The following MGMT variants were observed in gnomAD, a reference collection of about 807,000 sequenced individuals.
The protein encoded by MGMT is O-6-methylguanine-DNA methyltransferase.
MGMT carries 14 observed loss-of-function variants against 15.9 expected under a neutral mutation model. That is an observed-to-expected ratio of 0.88 (90% CI 0.58 to 1.37). The LOEUF is 1.37. Ranked by LOEUF, MGMT falls within the 40% of genes most tolerant of loss-of-function variation. The pLI is 0.00. For synonymous variants in MGMT, 130 were observed against 118.2 expected (o/e 1.10, Z -0.65); for missense variants, 282 against 268.1 (o/e 1.05, Z -0.36).
At position 129,706,421 on chromosome 10, in the gene MGMT, G is replaced by A. The variant is rs149761051; in HGVS notation, c.126-1474G>A. On this transcript the variant is annotated intron_variant, in intron 2 of 4. Transcript: ENST00000651593. The stretch of plus-strand genomic sequence containing the variant: ...GGAGAAACATTCTGTAGATCTCAGC[G>A]CACGCCCCCCAAGGCAGCCCAGGAA... Among the ~76,000 whole-genome samples the A allele has an allele frequency of 3.5e-3, 538 of 152,280 alleles. 2 individuals are homozygous for A. Among genetic ancestry groups the A allele is most frequent in the African/African-American group, 0.012 (505 of 41,560 alleles).
chr10:129,724,018 G>C (rs996909598), intron 3 of MGMT, among the ~76,000 whole-genome samples: 4 of 152,194 alleles, frequency 2.6e-5, no homozygotes, highest in African/African-American at 7.2e-5. Context: ...TTCCACTCTA[G>C]GGCATTTATC....
chr10:129,584,577 T>C (rs1436400902), intron 2 of MGMT, among the ~76,000 whole-genome samples: 1 of 152,100 alleles, frequency 6.6e-6, no homozygotes, highest in Non-Finnish European at 1.5e-5. Context: ...TTTTAGAAGA[T>C]TTAAATCTCC....
intron 2 of MGMT, among the ~76,000 whole-genome samples, chr10:129,699,762 C>A (rs939373717): frequency 8.5e-5 from 13 of 152,180 alleles, no homozygotes; most frequent in African/African-American, 3.1e-4. Flanking sequence ...TGGAACCCGT[C>A]CTTCTCCAGG....
chr10:129,657,707 G>GCACGCA (rs1407243363), intron 2 of MGMT, among the ~76,000 whole-genome samples: 3 of 111,560 alleles, frequency 2.7e-5, no homozygotes, highest in African/African-American at 6.5e-5. Context: ...ACACACACAC[G>GCACGCA]CACACACACA....
At chr10:129,640,979 C>A (rs1589909535) in intron 2 of MGMT, among the ~76,000 whole-genome samples, 1 of 152,114 alleles carries the variant, frequency 6.6e-6, no homozygotes. Flanking sequence ...AGAAATAAGA[C>A]AAAGATGTCT....
intron 2 of MGMT, among the ~76,000 whole-genome samples, chr10:129,630,670 T>C (rs918714376): frequency 7.2e-5 from 11 of 152,106 alleles, no homozygotes; most frequent in Admixed American, 7.2e-4. Flanking sequence ...AGAAGGAAGA[T>C]TTTTGTGGGC....
chr10:129,500,330 C>T (rs1186167335), intron 1 of MGMT, among the ~76,000 whole-genome samples: 1 of 152,154 alleles, frequency 6.6e-6, no homozygotes. Context: ...GGGGCTGCCT[C>T]CCAGGGCTGC....
chr10:129,506,260 C>G (rs976103871), intron 1 of MGMT, among the ~76,000 whole-genome samples: 13 of 152,104 alleles, frequency 8.5e-5, no homozygotes, highest in African/African-American at 3.1e-4. Flanking sequence ...GTTCATTGGT[C>G]TCTGTAGAAC....
chr10:129,572,085 C>T (rs1028485953), intron 2 of MGMT, among the ~76,000 whole-genome samples: 1 of 152,134 alleles, frequency 6.6e-6, no homozygotes, highest in Non-Finnish European at 1.5e-5. Flanking sequence ...GATTGATAAA[C>T]ATATGTAAAC....
intron 2 of MGMT, among the ~76,000 whole-genome samples, chr10:129,678,129 C>T (rs949736269): frequency 2.6e-5 from 4 of 152,104 alleles, no homozygotes; most frequent in South Asian, 2.1e-4. Context: ...AAGGAAAGAA[C>T]GCCTCGGTGG....
rs947773200 is a variant in MGMT, at chr10:129,532,476, G to A, written c.-12-3765G>A. Among the ~76,000 whole-genome samples the A allele has an allele frequency of 3.3e-5, 5 of 152,136 alleles. No homozygotes were observed. The East Asian group carries it at 5.8e-4, about 18-fold the overall frequency. On this transcript the variant is annotated intron_variant, in intron 1 of 4. Transcript: ENST00000651593. This position sits in a 1 kb window ranked among gnomAD's most constrained non-coding sequence, Gnocchi z 5.3. ...GGACTCCTCTCTCCGGGAGACTGTC[G>A]GGGCTAAGCTGCCTGTGGCCCTCCA...
At chr10:129,611,403 A>G (rs555703398) in intron 2 of MGMT, among the ~76,000 whole-genome samples, 2 of 152,174 alleles carry the variant, frequency 1.3e-5, no homozygotes, top group African/African-American at 2.4e-5. Flanking sequence ...AGATCTCTTG[A>G]GAACTCACTC....
intron 2 of MGMT, among the ~76,000 whole-genome samples, chr10:129,567,601 A>C (rs770089225): frequency 6.6e-6 from 1 of 151,948 alleles, no homozygotes; most frequent in Admixed American, 6.6e-5. Context: ...GGGAAAAAAA[A>C]CCTCCTGGAG....
intron 1 of MGMT, among the ~76,000 whole-genome samples, chr10:129,476,651 G>T (rs990644777): frequency 6.6e-6 from 1 of 152,168 alleles, no homozygotes; most frequent in East Asian, 1.9e-4. Flanking sequence ...CCATCGCCAG[G>T]CTGCTGGGAG....
intron 2 of MGMT, among the ~76,000 whole-genome samples, chr10:129,661,635 A>C (rs1847599397): frequency 6.6e-6 from 1 of 152,112 alleles, no homozygotes; most frequent in Admixed American, 6.5e-5. Flanking sequence ...CAAGTTATAC[A>C]TATTTTATTC....
At chr10:129,469,986 A>G (rs1845212463) in intron 1 of MGMT, among the ~76,000 whole-genome samples, 2 of 152,348 alleles carry the variant, frequency 1.3e-5, no homozygotes, top group South Asian at 2.1e-4. Context: ...TGCTGGAATT[A>G]TAGGCATGAG....
chr10:129,541,470 G>A (rs920821872), intron 2 of MGMT, among the ~76,000 whole-genome samples: 1 of 152,200 alleles, frequency 6.6e-6, no homozygotes, highest in Non-Finnish European at 1.5e-5. Context: ...CAGGCTGTAT[G>A]TGTTTACTTT....
chr10:129,594,244 A>T (rs1846724530), intron 2 of MGMT, among the ~76,000 whole-genome samples: 1 of 152,162 alleles, frequency 6.6e-6, no homozygotes, highest in African/African-American at 2.4e-5. Flanking sequence ...TTTGCATAAG[A>T]AGTCTGAGGG....
chr10:129,724,797 G>T (rs1177182862), intron 3 of MGMT, among the ~76,000 whole-genome samples: 1 of 152,188 alleles, frequency 6.6e-6, no homozygotes, highest in African/African-American at 2.4e-5. Flanking sequence ...TGTGGCTGGG[G>T]TTTTTCATAA....
Sources: allele counts gnomAD v4.1 joint callset (sites outside exome capture counted in the v4.1 genomes callset), GRCh38; gene constraint gnomAD v4.1.1; non-coding constraint Gnocchi (gnomAD v3.1); transcripts MANE v1.5; gene names NCBI Gene and HGNC (gene_info 2026-07-23, HGNC 2026-07-21).